Variants in LRRC37A2 observed in about 807,000 individuals in gnomAD.
LRRC37A2 encodes the protein leucine-rich repeat-containing protein 37A2.
In LRRC37A2, 9 loss-of-function variants were observed where a neutral mutation model predicts 68.8. That is an observed-to-expected ratio of 0.13 (90% CI 0.08 to 0.23). The LOEUF (loss-of-function observed/expected upper bound fraction) is 0.23, where lower values mean the gene tolerates loss of function less well. LRRC37A2 is among the 10% of genes least tolerant of loss of function. The probability of loss-of-function intolerance (pLI) is 1.00; values close to 1 mark genes in which losing one functional copy is unlikely to be tolerated. For missense variants in LRRC37A2, 168 were observed against 950.4 expected (o/e 0.18, Z 10.82); for synonymous variants, 63 against 367.6 (o/e 0.17, Z 9.48).
chr17:46,805,509 G>A, the LRRC37A2 span, among the ~76,000 whole-genome samples: 1 of 152,162 alleles, frequency 6.6e-6, no homozygotes, highest in African/African-American at 2.4e-5. Flanking sequence ...GGAGGTGGAG[G>A]TTGCAGTGAG....
chr17:47,018,642 G>C, the LRRC37A2 span: 1 of 1,520,466 alleles, frequency 6.6e-7, no homozygotes, highest in South Asian at 1.1e-5. Flanking sequence ...TCAGTCTCCG[G>C]AACCTATTAA....
At chr17:46,412,879 AT>A in the LRRC37A2 span, 1 of 174,826 alleles carries the variant, frequency 5.7e-6, no homozygotes, top group East Asian at 3.7e-5. Flanking sequence ...AGGTAGGTAT[AT>A]TTTTTAGCCA....
chr17:46,863,713 G>A, the LRRC37A2 span, among the ~76,000 whole-genome samples: 2 of 152,312 alleles, frequency 1.3e-5, no homozygotes, highest in South Asian at 4.1e-4. Flanking sequence ...TACAGCATGG[G>A]GGTCGGACCG....
chr17:46,800,579 CACA>C, the LRRC37A2 span, among the ~76,000 whole-genome samples: 30 of 152,194 alleles, frequency 2.0e-4, no homozygotes, highest in Non-Finnish European at 4.4e-5. Flanking sequence ...CAGGAAAATA[CACA>C]ACAAGTACCA....
chr17:46,467,856 C>T, the LRRC37A2 span, among the ~76,000 whole-genome samples: 5 of 102,134 alleles, frequency 4.9e-5, no homozygotes, highest in African/African-American at 1.1e-4. Flanking sequence ...GGCTCAACAG[C>T]GTCAGCTCTG....
At chr17:46,742,256 G>A in the LRRC37A2 span, among the ~76,000 whole-genome samples, 1 of 152,166 alleles carries the variant, frequency 6.6e-6, no homozygotes, top group Non-Finnish European at 1.5e-5. Context: ...GGGGCTCAGA[G>A]GTGTAGACTC....
chr17:46,740,299 G>T, the LRRC37A2 span, among the ~76,000 whole-genome samples: 3 of 152,194 alleles, frequency 2.0e-5, no homozygotes, highest in Non-Finnish European at 4.4e-5. Flanking sequence ...TTAAATGAGG[G>T]CAGGGTATGG....
chr17:46,814,762 C>T, the LRRC37A2 span, among the ~76,000 whole-genome samples: 1 of 152,224 alleles, frequency 6.6e-6, no homozygotes, highest in Non-Finnish European at 1.5e-5. Flanking sequence ...CCACTGACCC[C>T]CACGGGGTTT....
At chr17:47,031,036 G>A in the LRRC37A2 span, among the ~76,000 whole-genome samples, 1 of 151,612 alleles carries the variant, frequency 6.6e-6, no homozygotes, top group Non-Finnish European at 1.5e-5. Context: ...ACAAGATAAG[G>A]CTCAGGCCCC....
the LRRC37A2 span, among the ~76,000 whole-genome samples, chr17:46,833,998 C>A: frequency 6.6e-6 from 1 of 152,046 alleles, no homozygotes; most frequent in Non-Finnish European, 1.5e-5. Context: ...GAGTTTGAGA[C>A]CAACCTGGGC....
At chr17:46,947,788 GAT>G in the LRRC37A2 span, among the ~76,000 whole-genome samples, 1 of 152,056 alleles carries the variant, frequency 6.6e-6, no homozygotes, top group Non-Finnish European at 1.5e-5. Context: ...TTCTTTTTGA[GAT>G]GGAGTTTCAC....
chr17:46,708,183 T>A, the LRRC37A2 span, among the ~76,000 whole-genome samples: 1 of 152,146 alleles, frequency 6.6e-6, no homozygotes, highest in Admixed American at 6.5e-5. Context: ...CAAGACCCTG[T>A]TTTTAGTTCT....
the LRRC37A2 span, among the ~76,000 whole-genome samples, chr17:46,752,058 A>T: frequency 1.3e-5 from 2 of 152,166 alleles, no homozygotes; most frequent in South Asian, 2.1e-4. Flanking sequence ...TGTCTGGGAG[A>T]CTGCTTTAAG....
the LRRC37A2 span, among the ~76,000 whole-genome samples, chr17:46,605,789 GT>G: frequency 1.4e-5 from 1 of 69,716 alleles, no homozygotes; most frequent in African/African-American, 6.8e-5. Context: ...AAGAATAATG[GT>G]AAATCTGTGG....
chr17:46,727,975 G>A, the LRRC37A2 span, among the ~76,000 whole-genome samples: 1 of 152,044 alleles, frequency 6.6e-6, no homozygotes, highest in East Asian at 1.9e-4. Flanking sequence ...AGTAGAATGT[G>A]CCATGTATTT....
chr17:46,725,226 G>A, the LRRC37A2 span, among the ~76,000 whole-genome samples: 1 of 152,188 alleles, frequency 6.6e-6, no homozygotes, highest in Non-Finnish European at 1.5e-5. Flanking sequence ...TGAACCTACA[G>A]AGCAGACATC....
intron 4 of LRRC37A2, among the ~76,000 whole-genome samples, chr17:46,521,048 C>G (rs1482184819): frequency 2.5e-5 from 2 of 80,140 alleles, no homozygotes; most frequent in East Asian, 2.4e-4. Flanking sequence ...TGATGGTTAA[C>G]TGGTAGAGCT....
the LRRC37A2 span, among the ~76,000 whole-genome samples, chr17:47,002,739 C>T: frequency 3.3e-5 from 5 of 152,062 alleles, no homozygotes; most frequent in Non-Finnish European, 5.9e-5. Context: ...TATTGCCAGC[C>T]TATTGTGCTC....
chr17:46,707,546 T>C, the LRRC37A2 span, among the ~76,000 whole-genome samples: 1 of 152,060 alleles, frequency 6.6e-6, no homozygotes, highest in African/African-American at 2.4e-5. Context: ...CTTTTTTCCC[T>C]CCCCTACAAC....
Sources: gnomAD v4.1 joint callset for allele counts (sites outside exome capture counted in the v4.1 genomes callset) on GRCh38, gnomAD v4.1.1 for gene constraint, MANE v1.5 for transcripts, NCBI Gene and HGNC (gene_info 2026-07-23, HGNC 2026-07-21) for gene names.